Variants in NOTCH3 observed in about 807,000 individuals in gnomAD.
NOTCH3 encodes neurogenic locus notch homolog protein 3.
NOTCH3 carries 86 observed loss-of-function variants against 213.3 expected under a neutral mutation model. The ratio of observed to expected loss-of-function variants is 0.40; its 90% confidence interval spans 0.34 to 0.48. The LOEUF (loss-of-function observed/expected upper bound fraction) is 0.48. Among genes scored for constraint, NOTCH3 ranks in the 20% least tolerant of loss-of-function variants. The pLI is 0.57. For missense variants in NOTCH3, 2,783 were observed against 3,272.6 expected, an observed-to-expected ratio of 0.85 and a Z score of 3.65; for synonymous variants, 1,354 against 1,355.9, an observed-to-expected ratio of 1.00 and a Z score of 0.03.
At chr19:15,176,719 C>T (rs1263049761) in intron 24 of NOTCH3, among the ~76,000 whole-genome samples, 1 of 136,650 alleles carries the variant, frequency 7.3e-6, no homozygotes, top group East Asian at 2.2e-4. Context: ...GCCAAGATCA[C>T]ACCACTGCAC....
chr19:15,185,776 G>T lies in NOTCH3; in HGVS notation c.1952-97C>A. On this transcript the variant is annotated intron_variant, in intron 12 of 32. Transcript: ENST00000263388. The surrounding 1 kb of genome is among the most constrained non-coding windows in gnomAD (Gnocchi z 4.2). The stretch of plus-strand genomic sequence containing the variant: ...CCACTTAGCACACCCACACCCCCGA[G>T]CAATGACCTCTTTTTCATAACGCAT... 1 of 1,165,856 alleles carries T rather than the reference G, an allele frequency of 8.6e-7. No homozygotes were observed. The highest frequency in any genetic ancestry group is 1.3e-6 in the Non-Finnish European group (1 of 795,230). 72.2% of individuals were successfully genotyped at this position (1,165,856 alleles called of 1,614,324 possible). A position where few individuals can be genotyped will look rare whatever the true frequency, so the allele number is the denominator to read the frequency against.
At chr19:15,198,709 C>G (rs1269469207) in intron 1 of NOTCH3, among the ~76,000 whole-genome samples, 2 of 152,110 alleles carry the variant, frequency 1.3e-5, no homozygotes, top group African/African-American at 4.8e-5. Context: ...CGAGATCACG[C>G]CATTGCACTC....
intron 10 of NOTCH3, 64 bp from the exon 11 acceptor site, chr19:15,187,402 G>A (rs920602857): frequency 1.2e-4 from 172 of 1,445,526 alleles, no homozygotes; most frequent in Non-Finnish European, 1.3e-4. Flanking sequence ...GTGAGGCCTC[G>A]GACCAATCCT....
intron 9 of NOTCH3, 111 bp downstream of exon 9, chr19:15,188,124 T>C: frequency 9.5e-7 from 1 of 1,056,434 alleles, no homozygotes; most frequent in Non-Finnish European, 1.4e-6. Flanking sequence ...TTTCATAACA[T>C]ATGGTTTCTA....
Position 15,191,743 on chromosome 19 carries a change from A to C in NOTCH3, c.802+2T>G, listed in dbSNP as rs1599394210. 6.2e-7 allele frequency: 1 copy of C among 1,613,744 alleles called. No homozygotes were observed. The highest frequency in any genetic ancestry group is 8.5e-7 in the Non-Finnish European group (1 of 1,180,040). ...CCCGCTCCCTCTGGCCGCAGTGCCC[A>C]CCTGTCCACTCAGGAGGGCACTGGC... is the stretch of plus-strand genomic sequence containing the variant. On this transcript the variant is annotated splice_donor_variant, in intron 5 of 32. Coordinates refer to ENST00000263388, the MANE Select transcript of NOTCH3 (RefSeq NM_000435.3). LOFTEE classifies it high-confidence loss of function.
intron 31 of NOTCH3, among the ~76,000 whole-genome samples, chr19:15,163,822 C>T (rs1389989571): frequency 1.3e-5 from 2 of 151,970 alleles, no homozygotes; most frequent in Non-Finnish European, 2.9e-5. Context: ...CAGAGTGATA[C>T]CCTATGTCTA....
rs2046885584 is a variant in NOTCH3, at chr19:15,186,855, T to A, written c.1951+23A>T. 1.9e-6 allele frequency: 3 copies of A among 1,596,928 alleles called. No individual in the cohort carries two copies. In the Admixed American group the frequency reaches 5.0e-5, roughly 27 times the overall value. ...CTTCACCCTCGATCTAAGGACCCCC[T>A]CTCATGGCAGCCACTTGCCCACCTG... is the stretch of plus-strand genomic sequence containing the variant. On this transcript the variant is annotated intron_variant, in intron 12 of 32. Transcript: ENST00000263388.
chr19:15,172,354 C>A (rs1340415769), intron 25 of NOTCH3, among the ~76,000 whole-genome samples: 3 of 152,158 alleles, frequency 2.0e-5, no homozygotes, highest in Non-Finnish European at 4.4e-5. Context: ...GTCTTTAGCC[C>A]CCAGGTATCT....
rs564452430 is a variant in NOTCH3 at position 15,187,920 on chromosome 19, C to T, written c.1567G>A (p.Val523Met). ...CACTCGTAGCCATCGGGCTGGTCCA[C>T]GCATTTGGCGCCATTCCTGCAGGGC... ...STPCRNGAKC[V>M]DQPDGYECRC... Residue 523 changes from valine (V) to methionine (M), a missense_variant, in exon 10 of 33, where the codon GTG (valine) becomes ATG (methionine). By Grantham distance (21) the Val-to-Met change is conservative. Coordinates refer to ENST00000263388, the MANE Select transcript of NOTCH3 (RefSeq NM_000435.3). The T allele has an allele frequency of 2.7e-5, 42 of 1,550,024 alleles. No homozygotes were observed. The highest frequency in any genetic ancestry group is 8.2e-5 in the African/African-American group (6 of 73,132).
chr19:15,180,302 C>A, intron 19 of NOTCH3, 46 bp from the exon 20 acceptor site: 1 of 1,588,472 alleles, frequency 6.3e-7, no homozygotes, highest in East Asian at 2.2e-5. Context: ...CCCCATACAT[C>A]CCCCTTCTGC....
intron 19 of NOTCH3, 87 bp from the exon 20 acceptor site, chr19:15,180,343 G>T: frequency 1.4e-6 from 2 of 1,433,958 alleles, no homozygotes; most frequent in Non-Finnish European, 1.9e-6. Flanking sequence ...AACATCCTTG[G>T]TGGAATGAGT....
chr19:15,190,093 A>G (rs897488042), intron 6 of NOTCH3, among the ~76,000 whole-genome samples: 1 of 150,992 alleles, frequency 6.6e-6, no homozygotes, highest in African/African-American at 2.5e-5. Flanking sequence ...TGGGCAATAT[A>G]GTGAGACCCG....
rs774359019 is a variant in NOTCH3 at position 15,179,368 on chromosome 19, C to T, written c.3456G>A (p.Thr1152=). 2.0e-5 allele frequency: 32 copies of T among 1,613,930 alleles called. No homozygotes were observed. In the East Asian group the frequency reaches 3.1e-4, roughly 16 times the overall value. Residue 1152 remains threonine, a synonymous_variant, in exon 21 of 33, where the codon ACG becomes ACA. Transcript: ENST00000263388. ...CCAACCCTGGCCCTGGCATACCCAG[C>T]GTTCCTGGGGGACAGGAGCAGAGAT... is the stretch of plus-strand genomic sequence containing the variant. ...ARYLCSCPPG[T]LGVLCEINED...
chr19:15,185,287 A>T lies in NOTCH3; in HGVS notation c.2266T>A (p.Phe756Ile). The T allele has an allele frequency of 6.2e-7, 1 of 1,613,108 alleles. No individual in the cohort carries two copies. The highest frequency in any genetic ancestry group is 2.2e-5 in the East Asian group (1 of 44,878). Residue 756 changes from phenylalanine to isoleucine, a missense_variant, in exon 14 of 33, where the codon TTC becomes ATC. Phe to Ile is a conservative substitution (Grantham distance 21, BLOSUM62 0). Coordinates refer to ENST00000263388, the MANE Select transcript of NOTCH3 (RefSeq NM_000435.3). This position sits in a 1 kb window ranked among gnomAD's most constrained non-coding sequence, Gnocchi z 4.2. The part of the protein sequence containing the change: ...GGTCSSDGMG[F>I]HCTCPPGVQG... ...ACACCAGGCGGGCAGGTGCAGTGGAAACCCATTCCATCGCTGCTGCATGTC... is the reference window on the plus strand; with the variant it reads ...ACACCAGGCGGGCAGGTGCAGTGGATACCCATTCCATCGCTGCTGCATGTC...
chr19:15,162,729 G>C (rs147029852), intron 31 of NOTCH3, among the ~76,000 whole-genome samples, 167 bp from the exon 32 acceptor site: 1 of 151,448 alleles, frequency 6.6e-6, no homozygotes, highest in African/African-American at 2.4e-5. Context: ...TCTGCAAAAT[G>C]ACTCTGTGCA....
chr19:15,189,370 G>C lies in NOTCH3; in HGVS notation c.1095C>G (p.Ile365Met), dbSNP rs1017570421. The stretch of plus-strand genomic sequence containing the variant: ...GGCCGTTCACCGGATTTGTGTCACA[G>C]ATAGCATCCTCGTGGCAGGGGTTGC... ...CVSNPCHEDA[I>M]CDTNPVNGRA... Residue 365 changes from isoleucine to methionine, a missense_variant, in exon 7 of 33, where the codon ATC becomes ATG. Ile to Met is a conservative substitution (Grantham distance 10, BLOSUM62 1). Transcript: ENST00000263388. The C allele has an allele frequency of 1.9e-6, 3 of 1,614,034 alleles. No individual in the cohort carries two copies. The highest frequency in any genetic ancestry group is 2.5e-6 in the Non-Finnish European group (3 of 1,180,048).
rs1420661953 is a variant in NOTCH3 at position 15,170,277 on chromosome 19, C to G, written c.5114+54G>C. 2.3e-5 allele frequency: 36 copies of G among 1,567,146 alleles called. No homozygotes were observed. The South Asian group carries it at 3.7e-4, about 16-fold the overall frequency. ...GGTCTGAGTCAGGTCAAGGCGGGGT[C>G]CAGGGTTCACAAGGTCCCCGTAGTC... is the stretch of plus-strand genomic sequence containing the variant. On this transcript the variant is annotated intron_variant, in intron 27 of 32. Coordinates refer to ENST00000263388, the MANE Select transcript of NOTCH3 (RefSeq NM_000435.3).
Position 15,188,240 on chromosome 19 carries a change from G to A in NOTCH3, c.1487C>T (p.Pro496Leu), listed in dbSNP as rs11670799. 25,094 of 1,596,008 alleles carry A rather than the reference G, an allele frequency of 0.016. 288 individuals are homozygous for A. Among genetic ancestry groups the A allele is most frequent in the Non-Finnish European group, 0.018 (20,980 of 1,170,020 alleles). ...CCCTCTCCTGAGGTCCTCACCCGAG[G>A]GGCAGGTGCAGCTGAAGCCATTGAC... Reference protein sequence around the residue: ...DRVNGFSCTCPSGFSGSTCQL... With the variant: ...DRVNGFSCTCLSGFSGSTCQL... Residue 496 changes from proline to leucine, a missense_variant, in exon 9 of 33, where the codon CCC becomes CTC. Physicochemically the swap from Pro to Leu is moderately conservative, Grantham distance 98. Around this residue, in one of 6 missense-constraint regions of NOTCH3, gnomAD observed 708 missense variants for 906.6 expected, o/e 0.78. Coordinates refer to ENST00000263388, the MANE Select transcript of NOTCH3 (RefSeq NM_000435.3).
At chr19:15,176,865 G>A (rs1471929997) in intron 24 of NOTCH3, among the ~76,000 whole-genome samples, 2 of 150,912 alleles carry the variant, frequency 1.3e-5, no homozygotes, top group Non-Finnish European at 2.9e-5. Context: ...AAGGTCAGGA[G>A]TTCGTGAGCA....
Sources: allele counts gnomAD v4.1 joint callset (sites outside exome capture counted in the v4.1 genomes callset), GRCh38; gene constraint gnomAD v4.1.1; regional missense constraint gnomAD v4.1.1; non-coding constraint Gnocchi (gnomAD v3.1); transcripts MANE v1.5; gene names NCBI Gene and HGNC (gene_info 2026-07-23, HGNC 2026-07-21).